The following MPRIP variants were observed in gnomAD, a reference collection of about 807,000 sequenced individuals.
MPRIP encodes myosin phosphatase Rho-interacting protein.
Under a neutral mutation model 234.9 loss-of-function variants are expected in MPRIP, and 59 were observed. The observed-to-expected ratio is 0.25, with a 90% CI of 0.20 to 0.31. MPRIP has a LOEUF of 0.31. Among genes scored for constraint, MPRIP ranks in the 10% least tolerant of loss-of-function variants. The pLI, the probability that MPRIP is intolerant of heterozygous loss-of-function variation, is 1.00. For synonymous variants in MPRIP, 1,144 were observed against 1,263.9 expected (o/e 0.91, Z 2.01); for missense variants, 2,436 against 3,071.0 (o/e 0.79, Z 4.89).
intron 3 of MPRIP, among the ~76,000 whole-genome samples, chr17:17,118,364 G>A (rs1051702753): frequency 5.3e-5 from 8 of 152,220 alleles, no homozygotes; most frequent in Admixed American, 2.0e-4. Flanking sequence ...CCCTCTCTGG[G>A]GTCTGCCAGG....
intron 1 of MPRIP, among the ~76,000 whole-genome samples, chr17:17,058,236 G>T (rs930619621): frequency 6.6e-6 from 1 of 152,160 alleles, no homozygotes; most frequent in Non-Finnish European, 1.5e-5. Context: ...TATGTTTGTG[G>T]TCCTTCAAGC....
intron 4 of MPRIP, among the ~76,000 whole-genome samples, chr17:17,128,219 G>A (rs2090530855): frequency 6.6e-6 from 1 of 152,012 alleles, no homozygotes; most frequent in Non-Finnish European, 1.5e-5. Context: ...GGCTTCCCTA[G>A]GAAACCCTCA....
In MPRIP at chr17:17,184,994, T is replaced by C. The variant is rs1396459223; in HGVS notation, c.*100T>C. On this transcript the variant is annotated 3_prime_UTR_variant, in exon 24 of 24. Transcript: ENST00000651222. ...TACCTTTGTTTTATTATTATTATTA[T>C]TATTGCTGTTGTTGTCATCGTTAAC... 2 of 797,426 alleles carry C rather than the reference T, an allele frequency of 2.5e-6. No individual in the cohort carries two copies. The highest frequency in any genetic ancestry group is 5.5e-5 in the East Asian group (2 of 36,424). The allele number at this position is 797,426 out of a possible 1,614,324, so 49.4% of individuals were successfully genotyped here.
At chr17:17,059,837 C>G (rs35440184) in intron 1 of MPRIP, among the ~76,000 whole-genome samples, 42 of 152,184 alleles carry the variant, frequency 2.8e-4, no homozygotes, top group Non-Finnish European at 5.1e-4. Context: ...TTGCAGTCTG[C>G]AGGGTCCCGG....
intron 1 of MPRIP, among the ~76,000 whole-genome samples, chr17:17,065,787 G>A (rs551481798): frequency 3.2e-4 from 49 of 152,244 alleles, no homozygotes; most frequent in African/African-American, 1.2e-3. Flanking sequence ...TGCAGTCCAC[G>A]AACACATTAT....
At chr17:17,088,686 A>G (rs1597785045) in intron 3 of MPRIP, among the ~76,000 whole-genome samples, 1 of 152,008 alleles carries the variant, frequency 6.6e-6, no homozygotes, top group Non-Finnish European at 1.5e-5. Context: ...TGAGATCCCC[A>G]CCTGCCTGGC....
intron 1 of MPRIP, among the ~76,000 whole-genome samples, chr17:17,046,093 C>T (rs2088341608): frequency 6.6e-6 from 1 of 152,240 alleles, no homozygotes; most frequent in Non-Finnish European, 1.5e-5. Context: ...GCGTGAGTCA[C>T]TGTGCCCAGC....
At chr17:17,108,809 C>A (rs1320359076) in intron 3 of MPRIP, among the ~76,000 whole-genome samples, 2 of 152,250 alleles carry the variant, frequency 1.3e-5, no homozygotes, top group East Asian at 3.9e-4. Flanking sequence ...CCTGGCAGGC[C>A]TTTGGGCAGA....
rs1275509693 is a variant in MPRIP, at chr17:17,107,925, A to G, written c.268-18777A>G. On this transcript the variant is annotated intron_variant, in intron 3 of 23. Transcript: ENST00000651222. ...GTGAGAACCTATGGTATGCCCGCTTAGGGCCAGGGCTGCAGAGGTTGCTCG... is the reference window on the plus strand; with the variant it reads ...GTGAGAACCTATGGTATGCCCGCTTGGGGCCAGGGCTGCAGAGGTTGCTCG... Among the ~76,000 whole-genome samples, 9 of 152,308 alleles carry G rather than the reference A, an allele frequency of 5.9e-5. No individual in the cohort carries two copies. In the South Asian group the frequency reaches 1.9e-3, roughly 32 times the overall value.
At chr17:17,064,403 C>A (rs1223624620) in intron 1 of MPRIP, among the ~76,000 whole-genome samples, 1 of 152,018 alleles carries the variant, frequency 6.6e-6, no homozygotes, top group African/African-American at 2.4e-5. Flanking sequence ...AATCGTGTTT[C>A]CCCTGTGGTT....
At position 17,144,106 on chromosome 17, in the gene MPRIP, G is replaced by A. The variant is rs1262520598; in HGVS notation, c.1503+437G>A. ...GCAGGCCTTGCACCAGGTTCTCCAT[G>A]GGCCTCAGAGCTATGACAACAGAGG... On this transcript the variant is annotated intron_variant, in intron 9 of 23. Transcript: ENST00000651222. 3.3e-5 allele frequency among the ~76,000 whole-genome samples: 5 copies of A among 152,360 alleles called. No individual in the cohort carries two copies. In the South Asian group the frequency reaches 1.0e-3, roughly 32 times the overall value.
intron 3 of MPRIP, chr17:17,096,968 G>A (rs2089861896): frequency 2.8e-6 from 1 of 360,296 alleles, no homozygotes; most frequent in Non-Finnish European, 5.6e-6. Context: ...TAAGCACTGA[G>A]ACAGGCACAC....
intron 3 of MPRIP, among the ~76,000 whole-genome samples, chr17:17,089,004 A>T (rs1260892970): frequency 6.6e-6 from 1 of 152,176 alleles, no homozygotes; most frequent in East Asian, 1.9e-4. Context: ...TACTGGCCTG[A>T]GGGCTGGTCC....
At chr17:17,154,787 G>A (rs956168473) in intron 13 of MPRIP, among the ~76,000 whole-genome samples, 4 of 152,190 alleles carry the variant, frequency 2.6e-5, no homozygotes, top group African/African-American at 9.7e-5. Context: ...CCCCATGTGC[G>A]GCATCCATAG....
intron 3 of MPRIP, among the ~76,000 whole-genome samples, chr17:17,122,334 TG>T (rs2144359990): frequency 6.6e-6 from 1 of 152,146 alleles, no homozygotes; most frequent in East Asian, 2.0e-4. Context: ...TTCATTTTGT[TG>T]TTTTTTTGTT....
At chr17:17,089,293 G>A (rs972589202) in intron 3 of MPRIP, among the ~76,000 whole-genome samples, 1 of 152,118 alleles carries the variant, frequency 6.6e-6, no homozygotes, top group Non-Finnish European at 1.5e-5. Flanking sequence ...CTGAGGTCCC[G>A]GGGGAGAATC....
intron 1 of MPRIP, among the ~76,000 whole-genome samples, chr17:17,043,434 G>A (rs1005346172): frequency 2.6e-5 from 4 of 152,136 alleles, no homozygotes; most frequent in Non-Finnish European, 5.9e-5. Context: ...GCACTGGAGA[G>A]AGGTGAAGGG....
rs867811244 is a variant in MPRIP, at chr17:17,165,765, G to A, written c.4174G>A (p.Val1392Ile). The change falls in exon 16 of 24, where the codon GTC becomes ATC. Residue 1392 changes from valine to isoleucine, a missense_variant. Around this residue, in one of 4 missense-constraint regions of MPRIP, gnomAD observed 1,998 missense variants for 2,520.3 expected, o/e 0.79. Transcript: ENST00000651222. ...IIHSLETKLYVTEEKLKDVTV... is the reference protein window; with the variant it reads ...IIHSLETKLYITEEKLKDVTV... ...CCACTCCCTGGAGACCAAGCTCTAC[G>A]TCACAGAGGAAAAGCTCAAAGACGT... The A allele has an allele frequency of 3.1e-5, 40 of 1,304,624 alleles. No individual in the cohort carries two copies. The highest frequency in any genetic ancestry group is 3.6e-5 in the Non-Finnish European group (36 of 988,982). 80.8% of individuals were successfully genotyped at this position (1,304,624 alleles called of 1,614,324 possible).
Position 17,180,159 on chromosome 17 carries a change from T to C in MPRIP, c.7206+71T>C, listed in dbSNP as rs1016870122. 14 of 1,259,900 alleles carry C rather than the reference T, an allele frequency of 1.1e-5. No homozygotes were observed. The Admixed American group carries it at 2.7e-4, about 24-fold the overall frequency. The allele number at this position is 1,259,900 out of a possible 1,614,324, so 78.0% of individuals were successfully genotyped here. A position where few individuals can be genotyped will look rare whatever the true frequency, so the allele number is the denominator to read the frequency against. The stretch of plus-strand genomic sequence containing the variant: ...CTGGGGAGAGTAGCCCAAATTGAAG[T>C]ATGAGTGCTCCCATGGGCCACAGCT... On this transcript the variant is annotated intron_variant, in intron 23 of 23. Coordinates refer to ENST00000651222, the MANE Select transcript of MPRIP (RefSeq NM_001364716.4).
Sources: gnomAD v4.1 joint callset for allele counts (sites outside exome capture counted in the v4.1 genomes callset) on GRCh38, gnomAD v4.1.1 for gene constraint, gnomAD v4.1.1 regional missense constraint, MANE v1.5 for transcripts, NCBI Gene and HGNC (gene_info 2026-07-23, HGNC 2026-07-21) for gene names.